Variants in P2RY2 observed in about 807,000 individuals in gnomAD.
P2RY2 encodes P2Y purinoceptor 2.
For synonymous variants in P2RY2, 241 were observed against 231.9 expected (o/e 1.04, Z -0.35); for missense variants, 567 against 515.7 (o/e 1.10, Z -0.96).
chr11:73,224,217 C>T (rs982348727), intron 1 of P2RY2, among the ~76,000 whole-genome samples: 1 of 152,196 alleles, frequency 6.6e-6, no homozygotes, highest in Non-Finnish European at 1.5e-5. Context: ...CCTTGAAGGA[C>T]ATTGGGGAGG....
In P2RY2 at chr11:73,236,470, T is replaced by C. The variant is rs1036222874; in HGVS notation, c.*1177T>C. ...GGGGGTCAGGGAAGGGTTCCTGGAG[T>C]GGGAGACTCCTGAGCTGTAGCTTCT... On this transcript the variant is annotated 3_prime_UTR_variant, in exon 3 of 3. Coordinates refer to ENST00000393597, the MANE Select transcript of P2RY2 (RefSeq NM_002564.4). 1.8e-5 allele frequency: 15 copies of C among 840,070 alleles called. No homozygotes were observed. Among genetic ancestry groups the C allele is most frequent in the Non-Finnish European group, 2.2e-5 (15 of 696,236 alleles). 52.0% of individuals were successfully genotyped at this position (840,070 alleles called of 1,614,324 possible).
At position 73,236,800 on chromosome 11, in the gene P2RY2, T is replaced by C; in HGVS notation, c.*1507T>C. ...GCTCAGGCTGGGTCAGGACTTAGTA[T>C]GGGGGAGATGGGTCTCACCTATGAT... On this transcript the variant is annotated 3_prime_UTR_variant, in exon 3 of 3. Transcript: ENST00000393597. 1 of 985,394 alleles carries C rather than the reference T, an allele frequency of 1.0e-6. No individual in the cohort carries two copies. The highest frequency in any genetic ancestry group is 1.2e-6 in the Non-Finnish European group (1 of 829,914). The allele number at this position is 985,394 out of a possible 1,614,324, so 61.0% of individuals were successfully genotyped here. A position where few individuals can be genotyped will look rare whatever the true frequency, so the allele number is the denominator to read the frequency against.
Position 73,235,739 on chromosome 11 carries a change from TG to T in P2RY2, c.*448del. ...AAGTCACAGGTTGGCCAGAAAACCC[TG>T]GTAAGTAATGAGGGCTGAGTTTGCA... On this transcript the variant is annotated 3_prime_UTR_variant, in exon 3 of 3. Coordinates refer to ENST00000393597, the MANE Select transcript of P2RY2 (RefSeq NM_002564.4). 9.9e-7 allele frequency: 1 copy of T among 1,005,584 alleles called. No homozygotes were observed. Among genetic ancestry groups the T allele is most frequent in the Non-Finnish European group, 1.2e-6 (1 of 833,890 alleles). The allele number at this position is 1,005,584 out of a possible 1,614,324, so 62.3% of individuals were successfully genotyped here.
intron 2 of P2RY2, among the ~76,000 whole-genome samples, chr11:73,229,003 TCA>T: frequency 6.6e-6 from 1 of 151,930 alleles, no homozygotes; most frequent in South Asian, 2.1e-4. Flanking sequence ...CTTCATTCAT[TCA>T]TTCATTCATT....
rs567911358 is a variant in P2RY2 at position 73,228,089 on chromosome 11, C to T, written c.-91C>T. 9.9e-5 allele frequency: 15 copies of T among 151,926 alleles called. No individual in the cohort carries two copies. The highest frequency in any genetic ancestry group is 6.6e-4 in the Admixed American group (10 of 15,256). The allele number at this position is 151,926 out of a possible 1,614,324, so 9.4% of individuals were successfully genotyped here. A position where few individuals can be genotyped will look rare whatever the true frequency, so the allele number is the denominator to read the frequency against. ...TGTTTCCCGCAGAGTTCCCTGCAGCCCGGTCCAGGTCCAGGCGTGTGCATT... is the reference window on the plus strand; with the variant it reads ...TGTTTCCCGCAGAGTTCCCTGCAGCTCGGTCCAGGTCCAGGCGTGTGCATT... On this transcript the variant is annotated 5_prime_UTR_variant, in exon 2 of 3. Transcript: ENST00000393597.
chr11:73,236,315 A>C lies in P2RY2; in HGVS notation c.*1022A>C. On this transcript the variant is annotated 3_prime_UTR_variant, in exon 3 of 3. Coordinates refer to ENST00000393597, the MANE Select transcript of P2RY2 (RefSeq NM_002564.4). ...ATGGTGCAAAAACTCTTATGGCCAA[A>C]TTCAAACTATAAACATGATGTCAAC... 1 of 423,578 alleles carries C rather than the reference A, an allele frequency of 2.4e-6. No homozygotes were observed. Among genetic ancestry groups the C allele is most frequent in the Non-Finnish European group, 3.3e-6 (1 of 302,712 alleles). The allele number at this position is 423,578 out of a possible 1,614,324, so 26.2% of individuals were successfully genotyped here.
At chr11:73,226,487 C>T (rs886682313) in intron 1 of P2RY2, among the ~76,000 whole-genome samples, 4 of 152,060 alleles carry the variant, frequency 2.6e-5, no homozygotes, top group South Asian at 2.1e-4. Flanking sequence ...GGCCCAGAGG[C>T]ATTTCCCGTG....
intron 1 of P2RY2, among the ~76,000 whole-genome samples, chr11:73,223,683 G>T (rs4944831): frequency 0.83 from 126,755 of 152,058 alleles, 52,945 homozygotes; most frequent in South Asian, 0.9. Flanking sequence ...GCCTCTTGAA[G>T]CTGGAGGCAT....
At chr11:73,227,159 A>G (rs564362033) in intron 1 of P2RY2, among the ~76,000 whole-genome samples, 9 of 152,232 alleles carry the variant, frequency 5.9e-5, no homozygotes, top group African/African-American at 1.7e-4. Flanking sequence ...ACTCCCACTT[A>G]TAAGTGAGAA....
intron 1 of P2RY2, among the ~76,000 whole-genome samples, chr11:73,226,146 CT>C (rs1862271657): frequency 6.6e-6 from 1 of 152,134 alleles, no homozygotes; most frequent in Admixed American, 6.5e-5. Flanking sequence ...ACTGGTTGGA[CT>C]AACAGGGCTT....
chr11:73,232,045 G>A (rs938836878), intron 2 of P2RY2, among the ~76,000 whole-genome samples: 7 of 152,050 alleles, frequency 4.6e-5, no homozygotes, highest in Non-Finnish European at 8.8e-5. Flanking sequence ...GGTGGACTCC[G>A]TCTAAAAATT....
At chr11:73,229,172 G>A (rs544742206) in intron 2 of P2RY2, among the ~76,000 whole-genome samples, 11 of 152,314 alleles carry the variant, frequency 7.2e-5, no homozygotes, top group South Asian at 2.1e-4. Flanking sequence ...GCTGAGAAAC[G>A]TCCTGAGGGG....
Position 73,234,185 on chromosome 11 carries a change from A to G in P2RY2, c.26A>G (p.Asn9Ser), listed in dbSNP as rs1354979392. The G allele has an allele frequency of 6.2e-7, 1 of 1,612,902 alleles. No individual in the cohort carries two copies. The highest frequency in any genetic ancestry group is 1.7e-5 in the Admixed American group (1 of 59,976). MAADLGPW[N>S]DTINGTWDGD... ...ATGGCAGCAGACCTGGGCCCCTGGA[A>G]TGACACCATCAATGGCACCTGGGAT... Residue 9 changes from asparagine to serine, a missense_variant, in exon 3 of 3, where the codon AAT (asparagine) becomes AGT (serine). Asn to Ser is a conservative substitution (Grantham distance 46, BLOSUM62 1). Coordinates refer to ENST00000393597, the MANE Select transcript of P2RY2 (RefSeq NM_002564.4).
In P2RY2 at chr11:73,238,610, C is replaced by T. The variant is rs527717307; in HGVS notation, c.*3317C>T. ...TGTATTGACCCATGTCCCACGCACCCTCTCATCTATGTTATATGGTGGATG... is the reference window on the plus strand; with the variant it reads ...TGTATTGACCCATGTCCCACGCACCTTCTCATCTATGTTATATGGTGGATG... On this transcript the variant is annotated 3_prime_UTR_variant, in exon 3 of 3. Coordinates refer to ENST00000393597, the MANE Select transcript of P2RY2 (RefSeq NM_002564.4). 5.9e-5 allele frequency among the ~76,000 whole-genome samples: 9 copies of T among 152,344 alleles called. No homozygotes were observed. The highest frequency in any genetic ancestry group is 1.9e-4 in the African/African-American group (8 of 41,570).
Position 73,235,048 on chromosome 11 carries a change from G to A in P2RY2, c.889G>A (p.Ala297Thr). ...CAAGGTTACCCGGCCGCTGGCCAGT[G>A]CTAACAGTTGCCTTGACCCCGTGCT... ...AYKVTRPLAS[A>T]NSCLDPVLYF... The change falls in exon 3 of 3, where the codon GCT (alanine) becomes ACT (threonine). Residue 297 changes from alanine to threonine, a missense_variant. Transcript: ENST00000393597. 6.2e-7 allele frequency: 1 copy of A among 1,608,138 alleles called. No homozygotes were observed.
intron 2 of P2RY2, among the ~76,000 whole-genome samples, chr11:73,232,241 C>T (rs182156031): frequency 2.6e-5 from 4 of 152,236 alleles, no homozygotes; most frequent in Admixed American, 1.3e-4. Flanking sequence ...AGGGAGTTCA[C>T]TACCACCCTC....
chr11:73,221,558 G>C (rs907680806), intron 1 of P2RY2, among the ~76,000 whole-genome samples: 8 of 152,152 alleles, frequency 5.3e-5, no homozygotes, highest in African/African-American at 1.9e-4. Flanking sequence ...ACCTGCCCAC[G>C]GGACCAGAGA....
At chr11:73,229,861 GGT>G (rs1255723651) in intron 2 of P2RY2, among the ~76,000 whole-genome samples, 1 of 152,054 alleles carries the variant, frequency 6.6e-6, no homozygotes, top group African/African-American at 2.4e-5. Context: ...GGGGAGACTG[GGT>G]GTGTGTGTCT....
chr11:73,236,710 A>G lies in P2RY2; in HGVS notation c.*1417A>G. The G allele has an allele frequency of 1.0e-6, 1 of 985,214 alleles. No individual in the cohort carries two copies. The highest frequency in any genetic ancestry group is 1.2e-6 in the Non-Finnish European group (1 of 829,816). 61.0% of individuals were successfully genotyped at this position (985,214 alleles called of 1,614,324 possible). ...CCTTTGCACTGGGGGTAAATATGAA[A>G]GAGATTCACTCCTCCTCCTGTCCAT... On this transcript the variant is annotated 3_prime_UTR_variant, in exon 3 of 3. Coordinates refer to ENST00000393597, the MANE Select transcript of P2RY2 (RefSeq NM_002564.4).
Sources: gnomAD v4.1 joint callset for allele counts (sites outside exome capture counted in the v4.1 genomes callset) on GRCh38, gnomAD v4.1.1 for gene constraint, MANE v1.5 for transcripts, NCBI Gene and HGNC (gene_info 2026-07-23, HGNC 2026-07-21) for gene names.